SPDL1: variants seen among roughly 807,000 people sequenced by gnomAD.
The protein encoded by SPDL1 is protein Spindly.
Under a neutral mutation model 79.5 loss-of-function variants are expected in SPDL1, and 85 were observed. The observed-to-expected ratio is 1.07, with a 90% CI of 0.90 to 1.28. The LOEUF is 1.28. Ranked by LOEUF, SPDL1 falls within the 50% of genes most tolerant of loss-of-function variation. The pLI, the probability that SPDL1 is intolerant of heterozygous loss-of-function variation, is 0.00. For synonymous variants in SPDL1, 269 were observed against 240.3 expected (o/e 1.12, Z -1.10); for missense variants, 703 against 697.8 (o/e 1.01, Z -0.08).
chr5:169,600,821 T>A (rs1287205971), intron 10 of SPDL1, among the ~76,000 whole-genome samples: 1 of 152,226 alleles, frequency 6.6e-6, no homozygotes, highest in Admixed American at 6.5e-5. Context: ...TTAATCCTTC[T>A]AATACACAAT....
At chr5:169,585,536 C>T (rs73314512) in intron 1 of SPDL1, among the ~76,000 whole-genome samples, 8,097 of 152,160 alleles carry the variant, frequency 0.053, 250 homozygotes, top group Non-Finnish European at 0.058. Flanking sequence ...TTACTTAACT[C>T]AAGCTCATCA....
chr5:169,584,905 G>C (rs1327564588), intron 1 of SPDL1, among the ~76,000 whole-genome samples: 1 of 152,150 alleles, frequency 6.6e-6, no homozygotes, highest in Non-Finnish European at 1.5e-5. Flanking sequence ...AGCTACTCGG[G>C]AGGCTGAGGC....
rs750288312 is a variant in SPDL1, at chr5:169,594,288, C to T, written c.675C>T (p.Ala225=). 3.1e-6 allele frequency: 5 copies of T among 1,613,624 alleles called. No homozygotes were observed. The South Asian group carries it at 5.5e-5, about 18-fold the overall frequency. The change falls in exon 5 of 12, where the codon GCC becomes GCT. Residue 225 remains alanine, a synonymous_variant. Transcript: ENST00000265295. Reference sequence around the variant, plus strand: ...AAGAAGCAGTTTCTTACTATAATGCCCTAGAGGTACTATGATTACAGTAAC... The same window carrying T: ...AAGAAGCAGTTTCTTACTATAATGCTCTAGAGGTACTATGATTACAGTAAC... The part of the protein sequence containing the change: ...REKEAVSYYN[A]LEKARVANQD...
rs2113351508 is a variant in SPDL1 at position 169,593,377 on chromosome 5, A to G, written c.360A>G (p.Leu120=). 4 of 1,592,036 alleles carry G rather than the reference A, an allele frequency of 2.5e-6. No homozygotes were observed. Among genetic ancestry groups the G allele is most frequent in the Non-Finnish European group, 3.4e-6 (4 of 1,174,256 alleles). The change falls in exon 4 of 12, where the codon TTA becomes TTG. Residue 120 remains leucine, a synonymous_variant. Coordinates refer to ENST00000265295, the MANE Select transcript of SPDL1 (RefSeq NM_017785.5). Reference sequence around the variant, plus strand: ...AGATAGAAAAACTGAAAGTGGAATTAGATGAAGCCAGGCTTAGTGAAAAGC... The same window carrying G: ...AGATAGAAAAACTGAAAGTGGAATTGGATGAAGCCAGGCTTAGTGAAAAGC... ...KTKIEKLKVE[L]DEARLSEKQL...
Position 169,601,604 on chromosome 5 carries a change from G to A in SPDL1, c.1649G>A (p.Gly550Glu). The A allele has an allele frequency of 6.2e-7, 1 of 1,614,088 alleles. No homozygotes were observed. The highest frequency in any genetic ancestry group is 8.5e-7 in the Non-Finnish European group (1 of 1,180,016). Residue 550 changes from glycine (G) to glutamate (E), a missense_variant, in exon 11 of 12, where the codon GGA becomes GAA. Coordinates refer to ENST00000265295, the MANE Select transcript of SPDL1 (RefSeq NM_017785.5). Reference protein sequence around the residue: ...ADAEALSERSGNTPNSPRLAA... With the variant: ...ADAEALSERSENTPNSPRLAA... The stretch of plus-strand genomic sequence containing the variant: ...GCTGAGGCCTTAAGTGAAAGAAGTG[G>A]AAACACCCCTAACTCTCCCAGGTCA...
chr5:169,602,011 T>G (rs1360130579), intron 11 of SPDL1: 1 of 253,036 alleles, frequency 4.0e-6, no homozygotes, highest in Non-Finnish European at 7.7e-6. Context: ...CTAAGAAATT[T>G]CAGCCTTCTA....
At chr5:169,588,136 A>T (rs1755076933) in intron 1 of SPDL1, among the ~76,000 whole-genome samples, 2 of 152,226 alleles carry the variant, frequency 1.3e-5, no homozygotes, top group African/African-American at 4.8e-5. Context: ...CAGTTTTCTG[A>T]TGGTGAACTG....
intron 3 of SPDL1, among the ~76,000 whole-genome samples, chr5:169,592,213 C>CTT (rs1755325849): frequency 3.7e-4 from 10 of 27,274 alleles, no homozygotes; most frequent in Admixed American, 6.6e-4. Flanking sequence ...ATTTTTTTTT[C>CTT]CTTTTTTTTT....
At chr5:169,592,639 A>G (rs1213625347) in intron 3 of SPDL1, among the ~76,000 whole-genome samples, 1 of 152,156 alleles carries the variant, frequency 6.6e-6, no homozygotes, top group African/African-American at 2.4e-5. Flanking sequence ...AATATCATCC[A>G]GCTTGTCTGA....
At position 169,594,244 on chromosome 5, in the gene SPDL1, G is replaced by C; in HGVS notation, c.631G>C (p.Glu211Gln). ...GCGCCAGGTAGACCGGCTTAAAGAGGAAAAAGAGGAGCGAGAGAAAGAAGC... is the reference window on the plus strand; with the variant it reads ...GCGCCAGGTAGACCGGCTTAAAGAGCAAAAAGAGGAGCGAGAGAAAGAAGC... ...LMRQVDRLKE[E>Q]KEEREKEAVS... is the part of the protein sequence containing the mutation. Residue 211 changes from glutamate to glutamine, a missense_variant, in exon 5 of 12, where the codon GAA (glutamate) becomes CAA (glutamine). Coordinates refer to ENST00000265295, the MANE Select transcript of SPDL1 (RefSeq NM_017785.5). 6.2e-7 allele frequency: 1 copy of C among 1,613,998 alleles called. No individual in the cohort carries two copies. The highest frequency in any genetic ancestry group is 2.2e-5 in the East Asian group (1 of 44,878).
rs1439233067 is a variant in SPDL1, at chr5:169,601,576, G to C, written c.1621G>C (p.Asp541His). The C allele has an allele frequency of 6.2e-7, 1 of 1,614,194 alleles. No homozygotes were observed. Among genetic ancestry groups the C allele is most frequent in the East Asian group, 2.2e-5 (1 of 44,872 alleles). Residue 541 changes from aspartate (D) to histidine (H), a missense_variant, in exon 11 of 12, where the codon GAC (aspartate) becomes CAC (histidine). Transcript: ENST00000265295. ...TGTGAAACTCATAGGAGTTCCCGCT[G>C]ACGCTGAGGCCTTAAGTGAAAGAAG... ...KCVKLIGVPA[D>H]AEALSERSGN...
Position 169,601,221 on chromosome 5 carries a change from GTTGA to G in SPDL1, c.1325-55_1325-52del, listed in dbSNP as rs142609132. ...CATATAACTAGTTCTGGCTTCTTGTGTTGATTGTGTCTTTGTTTTCTTAGATTTT... is the reference window on the plus strand; with the variant it reads ...CATATAACTAGTTCTGGCTTCTTGTGTTGTGTCTTTGTTTTCTTAGATTTT... On this transcript the variant is annotated intron_variant, in intron 10 of 11. Transcript: ENST00000265295. The G allele has an allele frequency of 1.6e-3, 2,332 of 1,488,220 alleles. 35 individuals are homozygous for G. In the African/African-American group the frequency reaches 0.029, roughly 19 times the overall value. 92.2% of individuals were successfully genotyped at this position (1,488,220 alleles called of 1,614,324 possible).
At chr5:169,599,785 A>G (rs1303966764) in intron 10 of SPDL1, among the ~76,000 whole-genome samples, 1 of 152,154 alleles carries the variant, frequency 6.6e-6, no homozygotes, top group Non-Finnish European at 1.5e-5. Flanking sequence ...TTTATTAAGG[A>G]AGAACAGTGA....
chr5:169,599,027 T>A lies in SPDL1; in HGVS notation c.1192T>A (p.Phe398Ile). 2.5e-6 allele frequency: 4 copies of A among 1,588,674 alleles called. No individual in the cohort carries two copies. The highest frequency in any genetic ancestry group is 3.4e-6 in the Non-Finnish European group (4 of 1,163,856). Residue 398 changes from phenylalanine to isoleucine, a missense_variant, in exon 10 of 12, where the codon TTT becomes ATT. Phe to Ile is a conservative substitution (Grantham distance 21, BLOSUM62 0). Coordinates refer to ENST00000265295, the MANE Select transcript of SPDL1 (RefSeq NM_017785.5). ...ELSIQRMKAL[F>I]ESQRALDIER... ...GTCCATACAGCGAATGAAAGCATTATTTGAGAGCCAGCGGGCTCTAGATAT... is the reference window on the plus strand; with the variant it reads ...GTCCATACAGCGAATGAAAGCATTAATTGAGAGCCAGCGGGCTCTAGATAT...
rs187916234 is a variant in SPDL1 at position 169,601,228 on chromosome 5, G to A, written c.1325-52G>A. ...CTAGTTCTGGCTTCTTGTGTTGATT[G>A]TGTCTTTGTTTTCTTAGATTTTTTC... On this transcript the variant is annotated intron_variant, in intron 10 of 11. Transcript: ENST00000265295. 1,517 of 1,513,350 alleles carry A rather than the reference G, an allele frequency of 1.0e-3. 9 individuals carry two copies. The African/African-American group carries it at 0.017, about 17-fold the overall frequency. The allele number at this position is 1,513,350 out of a possible 1,614,324, so 93.7% of individuals were successfully genotyped here.
intron 8 of SPDL1, among the ~76,000 whole-genome samples, chr5:169,597,251 TG>T: frequency 6.6e-6 from 1 of 152,072 alleles, no homozygotes; most frequent in African/African-American, 2.4e-5. Flanking sequence ...TGTGTGTGTG[TG>T]TGTGTGTGTG....
intron 1 of SPDL1, chr5:169,584,278 A>T (rs1754862200): frequency 6.6e-6 from 1 of 151,612 alleles, no homozygotes; most frequent in Non-Finnish European, 1.5e-5. Context: ...TATAATGATT[A>T]CATGTTGAAA....
intron 10 of SPDL1, among the ~76,000 whole-genome samples, chr5:169,600,771 A>C (rs1016728291): frequency 1.3e-5 from 2 of 152,214 alleles, no homozygotes; most frequent in Non-Finnish European, 2.9e-5. Context: ...TAACAGGCAT[A>C]TATTACCAAT....
At chr5:169,593,853 A>G (rs1449478503) in intron 4 of SPDL1, among the ~76,000 whole-genome samples, 4 of 152,210 alleles carry the variant, frequency 2.6e-5, no homozygotes, top group Non-Finnish European at 5.9e-5. Context: ...ACGTTGGCTC[A>G]GTGGAAGTTG....
Sources: gnomAD v4.1 joint callset for allele counts (sites outside exome capture counted in the v4.1 genomes callset) on GRCh38, gnomAD v4.1.1 for gene constraint, MANE v1.5 for transcripts, NCBI Gene and HGNC (gene_info 2026-07-23, HGNC 2026-07-21) for gene names.